Variants in NUP188 observed in about 807,000 individuals in gnomAD.
NUP188 encodes nucleoporin 188.
NUP188 carries 97 observed loss-of-function variants against 223.0 expected under a neutral mutation model. The ratio of observed to expected loss-of-function variants is 0.43; its 90% CI spans 0.37 to 0.51. The LOEUF is 0.51. NUP188 is among the 20% of genes least tolerant of loss of function. NUP188 has a pLI of 0.00. For synonymous variants in NUP188, 869 were observed against 828.0 expected, an observed-to-expected ratio of 1.05 and a Z score of -0.85; for missense variants, 1,947 against 2,175.6, an observed-to-expected ratio of 0.89 and a Z score of 2.09.
At chr9:128,998,651 CGAG>C (rs763330140) in intron 32 of NUP188, 28 bp downstream of exon 32, 11 of 1,576,110 alleles carry the variant, frequency 7.0e-6, no homozygotes, top group Admixed American at 1.7e-5. Context: ...GAGGCAAGCC[CGAG>C]GCCAGAGCCT....
Position 128,998,218 on chromosome 9 carries a change from C to A in NUP188, c.3419C>A (p.Thr1140Asn). ...RQLFLDVLDG[T>N]KALLLVPASV... ...CTCTTTCTTGACGTGCTTGATGGAACCAAAGCATTAGTAAGTGTGTCTGGG... is the reference window on the plus strand; with the variant it reads ...CTCTTTCTTGACGTGCTTGATGGAAACAAAGCATTAGTAAGTGTGTCTGGG... Residue 1140 changes from threonine to asparagine, a missense_variant, in exon 31 of 44, where the codon ACC becomes AAC. Around this residue, in one of 3 missense-constraint regions of NUP188, gnomAD observed 905 missense variants for 990.6 expected, o/e 0.91. Transcript: ENST00000372577. 6.2e-7 allele frequency: 1 copy of A among 1,612,850 alleles called. No homozygotes were observed. The highest frequency in any genetic ancestry group is 8.5e-7 in the Non-Finnish European group (1 of 1,178,818).
At chr9:128,989,726 A>G (rs28582867) in intron 24 of NUP188, among the ~76,000 whole-genome samples, 59,787 of 151,914 alleles carry the variant, frequency 0.39, 11,987 homozygotes, top group African/African-American at 0.44. Flanking sequence ...CCAGCTACTC[A>G]GGAGGCTGAG....
At position 128,970,766 on chromosome 9, in the gene NUP188, C is replaced by T. The variant is rs1466455857; in HGVS notation, c.921C>T (p.Asp307=). The change falls in exon 11 of 44, where the codon GAC becomes GAT. Residue 307 remains aspartate (D), a synonymous_variant. Coordinates refer to ENST00000372577, the MANE Select transcript of NUP188 (RefSeq NM_015354.3). ...AQDGLICQDM[D]CLMLTFGDIP... ...TTTTCTTCTCTCACTAGGATATGGA[C>T]TGTTTAATGTTGACCTTTGGGGACA... 6.2e-7 allele frequency: 1 copy of T among 1,613,936 alleles called. No individual in the cohort carries two copies. Among genetic ancestry groups the T allele is most frequent in the Admixed American group, 1.7e-5 (1 of 60,004 alleles).
intron 2 of NUP188, among the ~76,000 whole-genome samples, chr9:128,949,920 T>A (rs949310095): frequency 3.0e-5 from 1 of 33,172 alleles, no homozygotes; most frequent in Non-Finnish European, 5.0e-5. Context: ...TGACGGCCAC[T>A]TTTTTTTTTT....
intron 8 of NUP188, among the ~76,000 whole-genome samples, chr9:128,967,921 C>T: frequency 6.6e-6 from 1 of 151,846 alleles, no homozygotes. Flanking sequence ...TGGGTGTACT[C>T]TGGGTGTACT....
chr9:128,987,086 AGAGTGTGTGTGTGTGTGT>A (rs1447077220), intron 22 of NUP188, among the ~76,000 whole-genome samples: 6 of 128,500 alleles, frequency 4.7e-5, no homozygotes, highest in South Asian at 2.7e-4. Context: ...AGAGAGAGAG[AGAGTGTGTGTGTGTGTGT>A]GTGTGTGTGT....
rs374343955 is a variant in NUP188, at chr9:128,980,730, G to A, written c.1389+5G>A. ...GGGAAGTCCACAGCCAAAAAGGTAA[G>A]TTGCTTAGTCAGATAAGTAAAGAGA... On this transcript the variant is annotated splice_donor_5th_base_variant and intron_variant, in intron 14 of 43. Coordinates refer to ENST00000372577, the MANE Select transcript of NUP188 (RefSeq NM_015354.3). 8.1e-6 allele frequency: 13 copies of A among 1,613,582 alleles called. No individual in the cohort carries two copies. The African/African-American group carries it at 1.6e-4, about 20-fold the overall frequency.
At chr9:128,981,486 C>A in intron 15 of NUP188, 96 bp downstream of exon 15, 1 of 1,232,656 alleles carries the variant, frequency 8.1e-7, no homozygotes, top group Non-Finnish European at 1.1e-6. Flanking sequence ...GATCATAGCT[C>A]ACTGCAGCCT....
intron 11 of NUP188, 37 bp downstream of exon 11, chr9:128,970,995 A>G (rs1056911579): frequency 1.4e-6 from 2 of 1,462,536 alleles, no homozygotes; most frequent in Non-Finnish European, 1.9e-6. Flanking sequence ...CATGGGAGTG[A>G]GCCGGCAGAA....
chr9:128,987,025 C>T, intron 22 of NUP188, 150 bp downstream of exon 22: 1 of 557,248 alleles, frequency 1.8e-6, no homozygotes. Context: ...TTTCCATTGG[C>T]CTGTTTATCA....
In NUP188 at chr9:128,999,280, A is replaced by G. The variant is rs375639348; in HGVS notation, c.3624A>G (p.Ser1208=). The part of the protein sequence containing the change: ...LMEKTKAKVF[S]AFITVLQMKE... The stretch of plus-strand genomic sequence containing the variant: ...AGAAGACCAAGGCCAAGGTGTTCTC[A>G]GCATTCATCACAGTGTTGCAAATGA... The change falls in exon 33 of 44, where the codon TCA becomes TCG. Residue 1208 remains serine (S), a synonymous_variant. Coordinates refer to ENST00000372577, the MANE Select transcript of NUP188 (RefSeq NM_015354.3). 1.5e-4 allele frequency: 247 copies of G among 1,614,090 alleles called. No individual in the cohort carries two copies. Among genetic ancestry groups the G allele is most frequent in the Non-Finnish European group, 1.8e-4 (212 of 1,180,032 alleles).
At position 129,001,876 on chromosome 9, in the gene NUP188, C is replaced by T. The variant is rs763875314; in HGVS notation, c.4045-8C>T. The stretch of plus-strand genomic sequence containing the variant: ...TCCATCTCATTTCCTGTCTTTCCCT[C>T]CTCCCAGGGAGCCACAGCAGTGGCT... On this transcript the variant is annotated splice_polypyrimidine_tract_variant and splice_region_variant and intron_variant, in intron 35 of 43. Coordinates refer to ENST00000372577, the MANE Select transcript of NUP188 (RefSeq NM_015354.3). 1 of 1,613,414 alleles carries T rather than the reference C, an allele frequency of 6.2e-7. No homozygotes were observed. The highest frequency in any genetic ancestry group is 1.1e-5 in the South Asian group (1 of 91,082).
chr9:128,969,827 T>A (rs1271762278), intron 10 of NUP188, among the ~76,000 whole-genome samples: 1 of 151,760 alleles, frequency 6.6e-6, no homozygotes, highest in Non-Finnish European at 1.5e-5. Context: ...AGAGACTGGG[T>A]TTCACCATTT....
intron 16 of NUP188, 72 bp from the exon 17 acceptor site, chr9:128,982,830 G>C: frequency 6.3e-7 from 1 of 1,597,530 alleles, no homozygotes; most frequent in South Asian, 1.1e-5. Flanking sequence ...TTGTGTATCT[G>C]GGTCTCAGAG....
rs375693349 is a variant in NUP188, at chr9:129,006,524, C to T, written c.5096C>T (p.Ser1699Leu). The T allele has an allele frequency of 7.4e-6, 12 of 1,613,658 alleles. No individual in the cohort carries two copies. Among genetic ancestry groups the T allele is most frequent in the African/African-American group, 5.3e-5 (4 of 75,038 alleles). ...TAGAGCACGCTGCTGTCCAGCCTCT[C>T]GCGCTACTTCCGCCGGGGAGCCCCC... is the stretch of plus-strand genomic sequence containing the variant. The part of the protein sequence containing the change: ...SELSTLLSSL[S>L]RYFRRGAPSS... Residue 1699 changes from serine (S) to leucine (L), a missense_variant, in exon 44 of 44, where the codon TCG (serine) becomes TTG (leucine). Coordinates refer to ENST00000372577, the MANE Select transcript of NUP188 (RefSeq NM_015354.3).
chr9:128,956,210 T>TGCGCGTGTGTGTGTGC, intron 3 of NUP188, 140 bp from the exon 4 acceptor site: 1 of 440,606 alleles, frequency 2.3e-6, no homozygotes, highest in South Asian at 3.5e-5. Context: ...TGTGTGTGTG[T>TGCGCGTGTGTGTGTGC]GCGTGTGTGT....
At chr9:128,984,379 G>A (rs1408153074) in intron 19 of NUP188, among the ~76,000 whole-genome samples, 2 of 152,046 alleles carry the variant, frequency 1.3e-5, no homozygotes, top group Middle Eastern at 3.2e-3. Flanking sequence ...GCCTGCCTTG[G>A]CCTCCCAAAG....
chr9:128,979,408 T>C lies in NUP188; in HGVS notation c.1269+81T>C. 1.2e-5 allele frequency: 12 copies of C among 965,978 alleles called. No individual in the cohort carries two copies. The South Asian group carries it at 1.7e-4, about 14-fold the overall frequency. 59.8% of individuals were successfully genotyped at this position (965,978 alleles called of 1,614,324 possible). On this transcript the variant is annotated intron_variant, in intron 13 of 43. Transcript: ENST00000372577. ...TTCTTACAGGTTTTGTACTAAGCAT[T>C]CATGTGCATTTTCTCATTTAATCTT...
At chr9:128,997,649 C>A (rs1193164789) in intron 30 of NUP188, among the ~76,000 whole-genome samples, 1 of 152,018 alleles carries the variant, frequency 6.6e-6, no homozygotes, top group African/African-American at 2.4e-5. Flanking sequence ...ACCACCATAC[C>A]CAGCTAATTA....
Sources: gnomAD v4.1 joint callset for allele counts (sites outside exome capture counted in the v4.1 genomes callset) on GRCh38, gnomAD v4.1.1 for gene constraint, gnomAD v4.1.1 regional missense constraint, MANE v1.5 for transcripts, NCBI Gene and HGNC (gene_info 2026-07-23, HGNC 2026-07-21) for gene names.